LUZP2: variants seen among roughly 807,000 people sequenced by gnomAD.
The protein encoded by LUZP2 is leucine zipper protein 2.
In LUZP2, 52 loss-of-function variants were observed where a neutral mutation model predicts 51.6. The observed-to-expected ratio is 1.01, with a 90% CI of 0.81 to 1.27. The LOEUF is 1.27. Among genes scored for constraint, LUZP2 ranks in the 50% most tolerant of loss-of-function variants. The pLI is 0.00. For missense variants in LUZP2, 436 were observed against 395.4 expected, an observed-to-expected ratio of 1.10 and a Z score of -0.87; for synonymous variants, 154 against 137.3, an observed-to-expected ratio of 1.12 and a Z score of -0.85.
intron 1 of LUZP2, among the ~76,000 whole-genome samples, chr11:24,576,136 G>T (rs1184191661): frequency 6.6e-6 from 1 of 152,020 alleles, no homozygotes; most frequent in Non-Finnish European, 1.5e-5. Context: ...ATGGACACCT[G>T]GCATGGTGGC....
chr11:24,773,756 T>C (rs1590497258), intron 5 of LUZP2, among the ~76,000 whole-genome samples: 1 of 152,192 alleles, frequency 6.6e-6, no homozygotes, highest in South Asian at 2.1e-4. Flanking sequence ...TCTTTACTAT[T>C]ATAATCAGCA....
At chr11:24,994,092 G>A (rs190711652) in intron 9 of LUZP2, among the ~76,000 whole-genome samples, 16 of 150,118 alleles carry the variant, frequency 1.1e-4, no homozygotes, top group East Asian at 2.0e-4. Flanking sequence ...AACTGCTGAC[G>A]TCATAATCTG....
chr11:24,683,590 A>AT (rs1250510517), intron 1 of LUZP2, among the ~76,000 whole-genome samples: 2 of 152,158 alleles, frequency 1.3e-5, no homozygotes, highest in Non-Finnish European at 1.5e-5. Flanking sequence ...GATAGCTTCC[A>AT]TACCATACTT....
In LUZP2 at chr11:25,077,318, T is replaced by C. The variant is rs767115867; in HGVS notation, c.859-11T>C. ...ACTTCATTGATGTATTTTTAATTGCTACTTTTGTAGGAGGGCAGACCGTGT... is the reference window on the plus strand; with the variant it reads ...ACTTCATTGATGTATTTTTAATTGCCACTTTTGTAGGAGGGCAGACCGTGT... On this transcript the variant is annotated splice_polypyrimidine_tract_variant and intron_variant, in intron 10 of 11. Transcript: ENST00000336930. The C allele has an allele frequency of 7.5e-6, 12 of 1,605,184 alleles. No individual in the cohort carries two copies. Among genetic ancestry groups the C allele is most frequent in the Non-Finnish European group, 1.0e-5 (12 of 1,172,456 alleles).
At chr11:24,716,870 T>C (rs1457150109) in intron 1 of LUZP2, among the ~76,000 whole-genome samples, 1 of 151,970 alleles carries the variant, frequency 6.6e-6, no homozygotes, top group African/African-American at 2.4e-5. Context: ...CACTCCAGCC[T>C]GGGTGACAGA....
intron 5 of LUZP2, among the ~76,000 whole-genome samples, chr11:24,870,488 CAG>C (rs1491055322): frequency 0.016 from 209 of 13,338 alleles, no homozygotes; most frequent in African/African-American, 0.039. Context: ...CACACACACA[CAG>C]ACACACACAC....
intron 9 of LUZP2, among the ~76,000 whole-genome samples, chr11:25,044,253 GTGTGTATATA>G (rs1452248342): frequency 1.7e-3 from 54 of 31,800 alleles, no homozygotes; most frequent in African/African-American, 6.1e-3. Context: ...GTGTGTGTGT[GTGTGTATATA>G]TATATATATA....
chr11:24,534,340 A>T (rs1851103926), intron 1 of LUZP2, among the ~76,000 whole-genome samples: 1 of 151,118 alleles, frequency 6.6e-6, no homozygotes, highest in Non-Finnish European at 1.5e-5. Context: ...ATAGAGAGAG[A>T]GCAACAAGCT....
intron 3 of LUZP2, among the ~76,000 whole-genome samples, chr11:24,736,259 T>C (rs1858932931): frequency 6.6e-6 from 1 of 151,996 alleles, no homozygotes; most frequent in Non-Finnish European, 1.5e-5. Context: ...ACATACTCAT[T>C]GTCATTTTAA....
chr11:25,000,377 G>A (rs1856649143), intron 9 of LUZP2, among the ~76,000 whole-genome samples: 1 of 152,098 alleles, frequency 6.6e-6, no homozygotes, highest in Non-Finnish European at 1.5e-5. Flanking sequence ...GGCAAAGAAG[G>A]GTCCCTGCAG....
intron 1 of LUZP2, among the ~76,000 whole-genome samples, chr11:24,524,811 A>G (rs952798573): frequency 1.3e-4 from 20 of 151,818 alleles, no homozygotes; most frequent in African/African-American, 4.6e-4. Context: ...TTACAGGACC[A>G]AAATCCCAAT....
intron 6 of LUZP2, among the ~76,000 whole-genome samples, chr11:24,908,575 A>C (rs1853531255): frequency 6.6e-6 from 1 of 152,126 alleles, no homozygotes; most frequent in Non-Finnish European, 1.5e-5. Flanking sequence ...TATCCTTTTG[A>C]TAATTTTAGC....
intron 1 of LUZP2, among the ~76,000 whole-genome samples, chr11:24,590,598 C>T (rs1427240480): frequency 6.6e-6 from 1 of 152,034 alleles, no homozygotes; most frequent in Non-Finnish European, 1.5e-5. Flanking sequence ...AAGATTTGTC[C>T]TCTTTTGCTT....
intron 9 of LUZP2, among the ~76,000 whole-genome samples, chr11:24,988,684 A>G (rs1856251628): frequency 6.6e-6 from 1 of 152,068 alleles, no homozygotes; most frequent in Admixed American, 6.6e-5. Context: ...AACAGCCCTG[A>G]TAAGCATCAG....
intron 9 of LUZP2, among the ~76,000 whole-genome samples, chr11:25,044,235 A>ATG (rs368613234): frequency 0.016 from 1,720 of 106,918 alleles, 55 homozygotes; most frequent in African/African-American, 0.05. Flanking sequence ...GTGTATGTGT[A>ATG]TGTGTGTGTG....
At chr11:25,012,326 TG>T (rs1266186941) in intron 9 of LUZP2, among the ~76,000 whole-genome samples, 1 of 152,206 alleles carries the variant, frequency 6.6e-6, no homozygotes, top group Non-Finnish European at 1.5e-5. Flanking sequence ...TTCATCTCCC[TG>T]ACTTAAATCT....
chr11:24,777,705 G>A (rs991088891), intron 5 of LUZP2, among the ~76,000 whole-genome samples: 3 of 151,928 alleles, frequency 2.0e-5, no homozygotes, highest in Non-Finnish European at 4.4e-5. Context: ...AGAAAAATTG[G>A]ACACTTCATT....
At chr11:24,723,336 G>A (rs147256902) in intron 1 of LUZP2, among the ~76,000 whole-genome samples, 16 of 152,248 alleles carry the variant, frequency 1.1e-4, no homozygotes, top group Non-Finnish European at 1.9e-4. Context: ...GAACATATGC[G>A]TGCTTTATGA....
At chr11:25,070,450 A>G (rs968818388) in intron 10 of LUZP2, among the ~76,000 whole-genome samples, 3 of 151,878 alleles carry the variant, frequency 2.0e-5, no homozygotes, top group Non-Finnish European at 4.4e-5. Context: ...CTCCATTTCT[A>G]TTAACTCAAA....
Sources: allele counts gnomAD v4.1 joint callset (sites outside exome capture counted in the v4.1 genomes callset), GRCh38; gene constraint gnomAD v4.1.1; transcripts MANE v1.5; gene names NCBI Gene and HGNC (gene_info 2026-07-23, HGNC 2026-07-21).